Variants in GOLGA6L9 observed in about 807,000 individuals in gnomAD.
The protein encoded by GOLGA6L9 is golgin subfamily A member 6-like protein 9.
GOLGA6L9 carries 19 observed loss-of-function variants against 51.3 expected under a neutral mutation model. The observed-to-expected ratio is 0.37, with a 90% confidence interval of 0.26 to 0.54. The LOEUF is 0.54. Ranked by LOEUF, GOLGA6L9 falls within the 20% of genes least tolerant of loss-of-function variation. The pLI, the probability that GOLGA6L9 is intolerant of heterozygous loss-of-function variation, is 0.83. For synonymous variants in GOLGA6L9, 97 were observed against 184.2 expected (o/e 0.53, Z 3.83); for missense variants, 247 against 464.1 (o/e 0.53, Z 4.30).
In GOLGA6L9 at chr15:82,434,264, C is replaced by T; in HGVS notation, c.664C>T (p.Leu222=). The change falls in exon 6 of 9, where the codon CTG becomes TTG. Residue 222 remains leucine (L), a synonymous_variant. Coordinates refer to ENST00000618348, the MANE Select transcript of GOLGA6L9 (RefSeq NM_198181.4). ...GAGGCTGTGTGAACAGGAGGAGAGG[C>T]TGTGTGAACAGGAGGAGAGGCTACG... ...EERLCEQEER[L]CEQEERLREQ... is the part of the protein sequence containing the mutation. The T allele has an allele frequency of 6.5e-7, 1 of 1,548,304 alleles. No homozygotes were observed.
chr15:82,433,862 GCTCT>G (rs1199051529), intron 5 of GOLGA6L9, among the ~76,000 whole-genome samples, 168 bp from the exon 6 acceptor site: 3 of 113,738 alleles, frequency 2.6e-5, no homozygotes, highest in Admixed American at 9.9e-5. Context: ...CACCCACAGT[GCTCT>G]CTATCTGAAA....
At chr15:82,429,027 TATTAA>T (rs2031296397), upstream of GOLGA6L9, among the ~76,000 whole-genome samples, 1 of 152,194 alleles carries the variant, frequency 6.6e-6, no homozygotes, top group African/African-American at 2.4e-5. Context: ...TTTAAGTGCT[TATTAA>T]ATTGTAAGTT....
Position 82,437,984 on chromosome 15 carries a change from T to C in GOLGA6L9, c.*1573T>C, listed in dbSNP as rs1595951422. The C allele has an allele frequency of 6.6e-6, 1 of 151,272 alleles. No individual in the cohort carries two copies. The highest frequency in any genetic ancestry group is 1.9e-4 in the East Asian group (1 of 5,192). The allele number at this position is 151,272 out of a possible 1,614,324, so 9.4% of individuals were successfully genotyped here. On this transcript the variant is annotated 3_prime_UTR_variant, in exon 9 of 9. Coordinates refer to ENST00000618348, the MANE Select transcript of GOLGA6L9 (RefSeq NM_198181.4). ...GCTTAAAATGGACTAAAGGTCCTGT[T>C]CTTGCCTTGTCTGAACTTGCCGCTT...
intron 7 of GOLGA6L9, 44 bp downstream of exon 7, chr15:82,434,973 G>T: frequency 8.0e-7 from 1 of 1,251,568 alleles, no homozygotes; most frequent in Non-Finnish European, 1.1e-6. Context: ...CCAAGAAGAT[G>T]TGGGAGGCGG....
chr15:82,416,236 G>A, the GOLGA6L9 span, among the ~76,000 whole-genome samples: 1 of 152,168 alleles, frequency 6.6e-6, no homozygotes, highest in Non-Finnish European at 1.5e-5. Flanking sequence ...TATAACACAA[G>A]GAGGGTAGGA....
In GOLGA6L9 at chr15:82,429,902, G is replaced by A. The variant is rs1162441554; in HGVS notation, c.-178G>A. 3.0e-5 allele frequency: 24 copies of A among 798,964 alleles called. No individual in the cohort carries two copies. The highest frequency in any genetic ancestry group is 9.7e-5 in the East Asian group (4 of 41,292). The allele number at this position is 798,964 out of a possible 1,614,324, so 49.5% of individuals were successfully genotyped here. ...CTACAGGTCCCTCTGGACATGCTGC[G>A]CCTGGCCACGCCTCCTTTCCCTTTC... On this transcript the variant is annotated 5_prime_UTR_variant, in exon 1 of 9. Transcript: ENST00000618348.
At chr15:82,424,511 T>TA in the GOLGA6L9 span, among the ~76,000 whole-genome samples, 1 of 152,188 alleles carries the variant, frequency 6.6e-6, no homozygotes, top group East Asian at 1.9e-4. Context: ...ACTGCTAGAT[T>TA]AAAAAAACAA....
At chr15:82,419,683 G>A in the GOLGA6L9 span, among the ~76,000 whole-genome samples, 5 of 151,970 alleles carry the variant, frequency 3.3e-5, no homozygotes, top group African/African-American at 4.8e-5. Context: ...AAAAAAAACA[G>A]AATGAAAAAG....
chr15:82,427,209 C>A (rs1371254527), upstream of GOLGA6L9, among the ~76,000 whole-genome samples: 1 of 144,638 alleles, frequency 6.9e-6, no homozygotes, highest in Non-Finnish European at 1.5e-5. Flanking sequence ...CCCTTTCTTT[C>A]TTTTCCTTGT....
In GOLGA6L9 at chr15:82,430,105, C is replaced by T. The variant is rs2031361784; in HGVS notation, c.26C>T (p.Pro9Leu). 1 of 804,224 alleles carries T rather than the reference C, an allele frequency of 1.2e-6. No individual in the cohort carries two copies. Among genetic ancestry groups the T allele is most frequent in the Non-Finnish European group, 2.0e-6 (1 of 490,140 alleles). The allele number at this position is 804,224 out of a possible 1,614,324, so 49.8% of individuals were successfully genotyped here. A position where few individuals can be genotyped will look rare whatever the true frequency, so the allele number is the denominator to read the frequency against. MWPQPRLP[P>L]HPAMSEKTQQ... ...ATGTGGCCCCAACCCCGCCTCCCTC[C>T]CCACCCCGCGATGTCAGAAAAAACA... is the stretch of plus-strand genomic sequence containing the variant. The change falls in exon 1 of 9, where the codon CCC becomes CTC. Residue 9 changes from proline (P) to leucine (L), a missense_variant. Pro to Leu is a moderately conservative substitution (Grantham distance 98, BLOSUM62 -3). Coordinates refer to ENST00000618348, the MANE Select transcript of GOLGA6L9 (RefSeq NM_198181.4).
chr15:82,416,862 TATG>T, the GOLGA6L9 span, among the ~76,000 whole-genome samples: 2 of 152,228 alleles, frequency 1.3e-5, no homozygotes, highest in Non-Finnish European at 2.9e-5. Context: ...ACAGCTTTTA[TATG>T]ATAAGTCTCA....
the GOLGA6L9 span, among the ~76,000 whole-genome samples, chr15:82,416,169 G>A: frequency 0.043 from 6,614 of 152,188 alleles, 205 homozygotes; most frequent in Middle Eastern, 0.095. Flanking sequence ...AAGAGTAAGC[G>A]CAATCAGGTA....
intron 4 of GOLGA6L9, among the ~76,000 whole-genome samples, 195 bp downstream of exon 4, chr15:82,433,092 A>T (rs2031481809): frequency 6.7e-6 from 1 of 149,860 alleles, no homozygotes; most frequent in South Asian, 2.2e-4. Flanking sequence ...CTCTTTGCTG[A>T]CTCTCTCTTC....
chr15:82,416,147 T>C, the GOLGA6L9 span: 4 of 152,152 alleles, frequency 2.6e-5, no homozygotes, highest in Non-Finnish European at 4.4e-5. Flanking sequence ...AGGAAAATTA[T>C]TTACATAGGT....
chr15:82,429,295 G>A (rs1208980563), upstream of GOLGA6L9, among the ~76,000 whole-genome samples: 111 of 152,194 alleles, frequency 7.3e-4, no homozygotes, highest in African/African-American at 2.5e-3. Context: ...GGCTGGTCTC[G>A]AACTCCTGAC....
rs1365970327 is a variant in GOLGA6L9, at chr15:82,436,521, A to C, written c.*110A>C. ...AGAGCCACTTATGTTTGTGTTTCTA[A>C]TTTATAGTTTAAATTTATTTGTGTT... is the stretch of plus-strand genomic sequence containing the variant. On this transcript the variant is annotated 3_prime_UTR_variant, in exon 9 of 9. Coordinates refer to ENST00000618348, the MANE Select transcript of GOLGA6L9 (RefSeq NM_198181.4). The C allele has an allele frequency of 5.6e-6, 8 of 1,436,916 alleles. No homozygotes were observed. The African/African-American group carries it at 7.2e-5, about 13-fold the overall frequency. 89.0% of individuals were successfully genotyped at this position (1,436,916 alleles called of 1,614,324 possible).
In GOLGA6L9 at chr15:82,438,187, C is replaced by T. The variant is rs943818398; in HGVS notation, c.*1776C>T. On this transcript the variant is annotated 3_prime_UTR_variant, in exon 9 of 9. Coordinates refer to ENST00000618348, the MANE Select transcript of GOLGA6L9 (RefSeq NM_198181.4). ...TCAAAGGTATTTTTATAGTTCAAATCGCTTCACTTTTACCCTGACACGTAT... is the reference window on the plus strand; with the variant it reads ...TCAAAGGTATTTTTATAGTTCAAATTGCTTCACTTTTACCCTGACACGTAT... 11 of 148,140 alleles carry T rather than the reference C, an allele frequency of 7.4e-5. No individual in the cohort carries two copies. Among genetic ancestry groups the T allele is most frequent in the East Asian group, 2.0e-4 (1 of 5,102 alleles). 9.2% of individuals were successfully genotyped at this position (148,140 alleles called of 1,614,324 possible). A position where few individuals can be genotyped will look rare whatever the true frequency, so the allele number is the denominator to read the frequency against.
At chr15:82,427,637 C>T (rs2031238952), upstream of GOLGA6L9, among the ~76,000 whole-genome samples, 1 of 151,970 alleles carries the variant, frequency 6.6e-6, no homozygotes, top group Non-Finnish European at 1.5e-5. Flanking sequence ...AGCAATTTTC[C>T]CACCTCAGCC....
upstream of GOLGA6L9, among the ~76,000 whole-genome samples, chr15:82,429,108 T>C (rs1426226366): frequency 1.3e-4 from 20 of 151,920 alleles, no homozygotes; most frequent in African/African-American, 4.8e-4. Flanking sequence ...GGAGTCTTGC[T>C]CTGTCACCCA....
Sources: allele counts gnomAD v4.1 joint callset (sites outside exome capture counted in the v4.1 genomes callset), GRCh38; gene constraint gnomAD v4.1.1; transcripts MANE v1.5; gene names NCBI Gene and HGNC (gene_info 2026-07-23, HGNC 2026-07-21).